The following CUX2 variants were observed in gnomAD, a reference collection of about 807,000 sequenced individuals.
CUX2 encodes the protein cut like homeobox 2, also known as homeobox protein cut-like 2.
CUX2 carries 40 observed loss-of-function variants against 144.8 expected under a neutral mutation model. The ratio of observed to expected loss-of-function variants is 0.28; its 90% CI spans 0.21 to 0.36. The LOEUF (loss-of-function observed/expected upper bound fraction) is 0.36. Ranked by LOEUF, CUX2 falls within the 10% of genes least tolerant of loss-of-function variation. The pLI is 1.00. For missense variants in CUX2, 1,615 were observed against 1,994.0 expected (o/e 0.81, Z 3.62); for synonymous variants, 827 against 875.6 (o/e 0.94, Z 0.98).
chr12:111,195,456 G>A (rs1880178941), intron 1 of CUX2, among the ~76,000 whole-genome samples: 1 of 152,200 alleles, frequency 6.6e-6, no homozygotes, highest in African/African-American at 2.4e-5. Context: ...CGGCCAGCGG[G>A]GCATCACTGG....
At chr12:111,182,994 A>C (rs1038439697) in intron 1 of CUX2, among the ~76,000 whole-genome samples, 1 of 152,148 alleles carries the variant, frequency 6.6e-6, no homozygotes, top group Non-Finnish European at 1.5e-5. Context: ...TCCTCCTTCA[A>C]TCTGCCCGGG....
At chr12:111,327,982 G>A (rs1887895483) in intron 18 of CUX2, among the ~76,000 whole-genome samples, 1 of 152,124 alleles carries the variant, frequency 6.6e-6, no homozygotes, top group African/African-American at 2.4e-5. Flanking sequence ...GAGGATGCTT[G>A]AGCCTAGGAG....
intron 1 of CUX2, among the ~76,000 whole-genome samples, chr12:111,046,611 C>G (rs1351864165): frequency 6.6e-6 from 1 of 152,142 alleles, no homozygotes. Flanking sequence ...GCCGAGGTCC[C>G]CCCATCTACA....
chr12:111,206,206 C>T (rs1488130658), intron 1 of CUX2, among the ~76,000 whole-genome samples: 1 of 152,128 alleles, frequency 6.6e-6, no homozygotes, highest in Admixed American at 6.5e-5. Context: ...GTGGTTTGCA[C>T]CCATGGTCCC....
chr12:111,212,494 T>C (rs1231331929), intron 1 of CUX2, among the ~76,000 whole-genome samples: 1 of 152,182 alleles, frequency 6.6e-6, no homozygotes, highest in Non-Finnish European at 1.5e-5. Flanking sequence ...GCTCAAGCAG[T>C]CCTCCCACCT....
intron 1 of CUX2, among the ~76,000 whole-genome samples, chr12:111,104,679 A>G (rs1873481050): frequency 6.6e-6 from 1 of 152,176 alleles, no homozygotes. Flanking sequence ...GCTGGCCATT[A>G]TCTTTATTGC....
intron 1 of CUX2, among the ~76,000 whole-genome samples, chr12:111,184,152 G>A (rs189282411): frequency 6.6e-6 from 1 of 152,276 alleles, no homozygotes; most frequent in Admixed American, 6.5e-5. Flanking sequence ...CATTTACATA[G>A]GTGCAGCTGT....
chr12:111,245,947 GC>G (rs1883261274), intron 3 of CUX2, among the ~76,000 whole-genome samples: 1 of 152,174 alleles, frequency 6.6e-6, no homozygotes, highest in South Asian at 2.1e-4. Context: ...GGGGACTGGG[GC>G]AGGTGGGGAC....
chr12:111,162,505 T>C (rs892362040), intron 1 of CUX2, among the ~76,000 whole-genome samples: 3 of 152,238 alleles, frequency 2.0e-5, no homozygotes, highest in African/African-American at 7.2e-5. Context: ...TTTGGGGGCT[T>C]GAGCCACCCT....
intron 4 of CUX2, among the ~76,000 whole-genome samples, chr12:111,284,925 C>T (rs562799958): frequency 1.3e-5 from 2 of 152,230 alleles, no homozygotes; most frequent in South Asian, 4.2e-4. Flanking sequence ...TTCCTGGAGG[C>T]GCACTGCAGG....
chr12:111,212,844 T>A (rs1881306636), intron 1 of CUX2, among the ~76,000 whole-genome samples: 1 of 152,226 alleles, frequency 6.6e-6, no homozygotes, highest in African/African-American at 2.4e-5. Context: ...TGAGCAGATT[T>A]ACTGACTCTC....
At chr12:111,230,780 G>T (rs1470013511) in intron 3 of CUX2, among the ~76,000 whole-genome samples, 1 of 152,202 alleles carries the variant, frequency 6.6e-6, no homozygotes, top group African/African-American at 2.4e-5. Flanking sequence ...CAACTAGCTG[G>T]CTGGGAGGAG....
intron 1 of CUX2, among the ~76,000 whole-genome samples, chr12:111,180,166 C>A (rs1284211064): frequency 5.9e-5 from 9 of 151,298 alleles, no homozygotes; most frequent in Admixed American, 5.3e-4. Context: ...GGACAACAAG[C>A]TCATCAGAAT....
chr12:111,049,401 G>C (rs1231407437), intron 1 of CUX2, among the ~76,000 whole-genome samples: 3 of 152,170 alleles, frequency 2.0e-5, no homozygotes, highest in Non-Finnish European at 4.4e-5. Flanking sequence ...CCAACACTAG[G>C]AATGTAAAGA....
At chr12:111,182,153 G>A (rs1373736005) in intron 1 of CUX2, among the ~76,000 whole-genome samples, 1 of 152,198 alleles carries the variant, frequency 6.6e-6, no homozygotes. Context: ...GAATGACTGT[G>A]ATGGGTTTAA....
chr12:111,141,274 G>A (rs1876299288), intron 1 of CUX2, among the ~76,000 whole-genome samples: 1 of 149,576 alleles, frequency 6.7e-6, no homozygotes, highest in Non-Finnish European at 1.5e-5. Context: ...TGGTAGAGGT[G>A]TTCTTCCTTT....
chr12:111,057,540 G>T lies in CUX2; in HGVS notation c.63+23300G>T, dbSNP rs1185287520. Among the ~76,000 whole-genome samples the T allele has an allele frequency of 1.3e-5, 2 of 152,040 alleles. No individual in the cohort carries two copies. Among genetic ancestry groups the T allele is most frequent in the East Asian group, 3.8e-4 (2 of 5,196 alleles). ...GTGACCAGGCCGATTCCAACGTGGGGACCCAGACCTCCTTACACGGGCCCC... is the reference window on the plus strand; with the variant it reads ...GTGACCAGGCCGATTCCAACGTGGGTACCCAGACCTCCTTACACGGGCCCC... On this transcript the variant is annotated intron_variant, in intron 1 of 21. Transcript: ENST00000261726. The surrounding 1 kb of genome is among the most constrained non-coding windows in gnomAD (Gnocchi z 5.1).
intron 18 of CUX2, among the ~76,000 whole-genome samples, chr12:111,328,972 T>TCTCTCTCTCTCTCTCTCTCCCC (rs1198113973): frequency 3.7e-5 from 3 of 80,024 alleles, no homozygotes; most frequent in Non-Finnish European, 6.3e-5. Flanking sequence ...TCTCTCTCTC[T>TCTCTCTCTCTCTCTCTCTCCCC]CTCCCCCTCT....
chr12:111,161,194 C>A (rs73415905), intron 1 of CUX2, among the ~76,000 whole-genome samples: 3,739 of 152,212 alleles, frequency 0.025, 155 homozygotes, highest in African/African-American at 0.085. Flanking sequence ...CACTTTATCC[C>A]CATCAGCTGT....
Sources: allele counts gnomAD v4.1 joint callset (sites outside exome capture counted in the v4.1 genomes callset), GRCh38; gene constraint gnomAD v4.1.1; non-coding constraint Gnocchi (gnomAD v3.1); transcripts MANE v1.5; gene names NCBI Gene and HGNC (gene_info 2026-07-23, HGNC 2026-07-21).